The following ATP8B2 variants were observed in gnomAD, a reference collection of about 807,000 sequenced individuals.
The protein encoded by ATP8B2 is phospholipid-transporting ATPase ID.
In ATP8B2, 70 loss-of-function variants were observed where a neutral mutation model predicts 133.4. The ratio of observed to expected loss-of-function variants is 0.52; its 90% CI spans 0.43 to 0.64. The LOEUF (loss-of-function observed/expected upper bound fraction) is 0.64, where lower values mean the gene tolerates loss of function less well. ATP8B2 is among the 30% of genes least tolerant of loss of function. The pLI is 0.00. For synonymous variants in ATP8B2, 517 were observed against 589.5 expected (o/e 0.88, Z 1.78); for missense variants, 1,101 against 1,535.7 (o/e 0.72, Z 4.73).
At position 154,346,893 on chromosome 1, in the gene ATP8B2, A is replaced by G. The variant is rs1370096376; in HGVS notation, c.3163+135A>G. The G allele has an allele frequency of 5.3e-6, 6 of 1,129,128 alleles. No homozygotes were observed. The highest frequency in any genetic ancestry group is 1.6e-5 in the African/African-American group (1 of 62,466). The allele number at this position is 1,129,128 out of a possible 1,614,324, so 69.9% of individuals were successfully genotyped here. A position where few individuals can be genotyped will look rare whatever the true frequency, so the allele number is the denominator to read the frequency against. ...GTTTATTTTATTTATTTATTTATTTATTTTCGAGAAGGAGTCTTGCCCAGG... is the reference window on the plus strand; with the variant it reads ...GTTTATTTTATTTATTTATTTATTTGTTTTCGAGAAGGAGTCTTGCCCAGG... On this transcript the variant is annotated intron_variant, in intron 26 of 27. Transcript: ENST00000368489. The surrounding 1 kb of genome is among the most constrained non-coding windows in gnomAD (Gnocchi z 4.5).
intron 1 of ATP8B2, among the ~76,000 whole-genome samples, chr1:154,326,796 G>T (rs1426640809): frequency 6.6e-6 from 1 of 152,226 alleles, no homozygotes; most frequent in African/African-American, 2.4e-5. Context: ...CAAGGGCGGG[G>T]CTGCCTGTAG....
At position 154,335,300 on chromosome 1, in the gene ATP8B2, C is replaced by CGG. The variant is rs1227449853; in HGVS notation, c.837+710_837+711dup. Reference sequence around the variant, plus strand: ...CTATTTTGTTTCAAAGCCTAAACAGCGGAGGCAGCTTTGGAAATAGATGTA... The same window carrying CGG: ...CTATTTTGTTTCAAAGCCTAAACAGCGGGGAGGCAGCTTTGGAAATAGATGTA... On this transcript the variant is annotated intron_variant, in intron 11 of 27. Coordinates refer to ENST00000368489, the MANE Select transcript of ATP8B2 (RefSeq NM_001370597.1). Among the ~76,000 whole-genome samples the CGG allele has an allele frequency of 7.2e-5, 11 of 152,322 alleles. No individual in the cohort carries two copies. In the East Asian group the frequency reaches 2.1e-3, roughly 29 times the overall value.
At position 154,345,076 on chromosome 1, in the gene ATP8B2, G is replaced by A; in HGVS notation, c.2392G>A (p.Val798Ile). 6.2e-7 allele frequency: 1 copy of A among 1,614,210 alleles called. No homozygotes were observed. The highest frequency in any genetic ancestry group is 1.1e-5 in the South Asian group (1 of 91,088). Residue 798 changes from valine to isoleucine, a missense_variant, in exon 22 of 28, where the codon GTA (valine) becomes ATA (isoleucine). Transcript: ENST00000368489. This position sits in a 1 kb window ranked among gnomAD's most constrained non-coding sequence, Gnocchi z 5.6. Reference sequence around the variant, plus strand: ...GACCCCCTTGCAGAAGGCACAGGTGGTAGAACTGGTCAAGAAGTACAAGAA... The same window carrying A: ...GACCCCCTTGCAGAAGGCACAGGTGATAGAACTGGTCAAGAAGTACAAGAA... ...RVTPLQKAQVVELVKKYKKAV... is the reference protein window; with the variant it reads ...RVTPLQKAQVIELVKKYKKAV...
rs1394358657 is a variant in ATP8B2, at chr1:154,345,596, A to G, written c.2694+51A>G. On this transcript the variant is annotated intron_variant, in intron 23 of 27. Coordinates refer to ENST00000368489, the MANE Select transcript of ATP8B2 (RefSeq NM_001370597.1). The surrounding 1 kb of genome is among the most constrained non-coding windows in gnomAD (Gnocchi z 5.6). ...TGTGCAAATCTGTAAACCTGAGGGC[A>G]GAGGTTCTGTCTTGTTTATCACTCA... is the stretch of plus-strand genomic sequence containing the variant. The G allele has an allele frequency of 6.6e-7, 1 of 1,513,972 alleles. No individual in the cohort carries two copies. Among genetic ancestry groups the G allele is most frequent in the African/African-American group, 1.4e-5 (1 of 72,158 alleles). The allele number at this position is 1,513,972 out of a possible 1,614,324, so 93.8% of individuals were successfully genotyped here.
intron 9 of ATP8B2, 129 bp downstream of exon 9, chr1:154,332,826 AG>A: frequency 1.4e-6 from 1 of 699,484 alleles, no homozygotes; most frequent in East Asian, 2.8e-5. Context: ...TGTTTTGGGG[AG>A]GGGAGTGTTT....
chr1:154,331,217 G>A lies in ATP8B2; in HGVS notation c.303+71G>A. On this transcript the variant is annotated intron_variant, in intron 5 of 27. Transcript: ENST00000368489. This position sits in a 1 kb window ranked among gnomAD's most constrained non-coding sequence, Gnocchi z 4.8. ...ACTCCCAGCCCCACCCCCATCTCAT[G>A]GCCACCTTCATCCAGCACAATTTCT... The A allele has an allele frequency of 1.5e-6, 2 of 1,333,994 alleles. No individual in the cohort carries two copies. Among genetic ancestry groups the A allele is most frequent in the Non-Finnish European group, 2.1e-6 (2 of 948,392 alleles). 82.6% of individuals were successfully genotyped at this position (1,333,994 alleles called of 1,614,324 possible).
chr1:154,340,916 TGAA>T lies in ATP8B2; in HGVS notation c.1102_1104del (p.Lys368del). On this transcript the variant is annotated inframe_deletion, in exon 13 of 28. Transcript: ENST00000368489. This position sits in a 1 kb window ranked among gnomAD's most constrained non-coding sequence, Gnocchi z 4.0. ...AACTGGGATAAGAAGATGTTCTGCA[TGAA>T]GAAGCGGACGCCTGCAGAAGCCCGC... is the stretch of plus-strand genomic sequence containing the variant. The T allele has an allele frequency of 6.2e-7, 1 of 1,614,186 alleles. No individual in the cohort carries two copies.
In ATP8B2 at chr1:154,344,090, C is replaced by CG; in HGVS notation, c.1923+35dup. 1 of 1,614,120 alleles carries CG rather than the reference C, an allele frequency of 6.2e-7. No homozygotes were observed. The highest frequency in any genetic ancestry group is 8.5e-7 in the Non-Finnish European group (1 of 1,179,982). ...CTGCGGGACGGGCCAAGGATGGGCA[C>CG]GGAGGGCTCATGCCTGCAATTCTTG... On this transcript the variant is annotated intron_variant, in intron 18 of 27. Coordinates refer to ENST00000368489, the MANE Select transcript of ATP8B2 (RefSeq NM_001370597.1). The surrounding 1 kb of genome is among the most constrained non-coding windows in gnomAD (Gnocchi z 4.1).
rs751918565 is a variant in ATP8B2, at chr1:154,343,455, C to T, written c.1645C>T (p.Arg549Trp). 5.0e-6 allele frequency: 8 copies of T among 1,613,724 alleles called. No homozygotes were observed. Among genetic ancestry groups the T allele is most frequent in the East Asian group, 2.2e-5 (1 of 44,874 alleles). Residue 549 changes from arginine to tryptophan, a missense_variant and splice_region_variant, in exon 17 of 28, where the codon CGG (arginine) becomes TGG (tryptophan). Physicochemically the swap from Arg to Trp is moderately radical, Grantham distance 101. Coordinates refer to ENST00000368489, the MANE Select transcript of ATP8B2 (RefSeq NM_001370597.1). This position sits in a 1 kb window ranked among gnomAD's most constrained non-coding sequence, Gnocchi z 5.8. Reference protein sequence around the residue: ...NIRKRMSVIVRNPEGKIRLYC... With the variant: ...NIRKRMSVIVWNPEGKIRLYC... ...TTCTTCACCTGCCCCATTCATAGTG[C>T]GGAATCCAGAGGGGAAGATCCGACT...
chr1:154,345,639 T>A lies in ATP8B2; in HGVS notation c.2694+94T>A. The A allele has an allele frequency of 7.5e-7, 1 of 1,341,616 alleles. No individual in the cohort carries two copies. Among genetic ancestry groups the A allele is most frequent in the South Asian group, 1.3e-5 (1 of 78,076 alleles). 83.1% of individuals were successfully genotyped at this position (1,341,616 alleles called of 1,614,324 possible). ...ATCACTCAGTCCCCCAGGGCCTAGC[T>A]ATTTTCTGGTACATACTCTTAAAAA... On this transcript the variant is annotated intron_variant, in intron 23 of 27. Transcript: ENST00000368489. The surrounding 1 kb of genome is among the most constrained non-coding windows in gnomAD (Gnocchi z 5.6).
intron 3 of ATP8B2, 91 bp from the exon 4 acceptor site, chr1:154,330,724 C>T: frequency 8.9e-7 from 1 of 1,125,096 alleles, no homozygotes; most frequent in African/African-American, 1.5e-5. Context: ...GGGTAGAGGT[C>T]TGGGGAAGTA....
rs147062155 is a variant in ATP8B2 at position 154,346,236 on chromosome 1, C to T, written c.2784C>T (p.Val928=). The T allele has an allele frequency of 9.7e-5, 156 of 1,613,478 alleles. No homozygotes were observed. In the Middle Eastern group the frequency reaches 2.6e-3, roughly 27 times the overall value. The change falls in exon 25 of 28, where the codon GTC becomes GTT. Residue 928 remains valine (V), a synonymous_variant. Transcript: ENST00000368489. This position sits in a 1 kb window ranked among gnomAD's most constrained non-coding sequence, Gnocchi z 4.5. ...VLAMGVFDQD[V]PEQRSMEYPK... ...TACATGGTCCTCCCACACAGGATGT[C>T]CCCGAGCAGCGGAGCATGGAGTACC...
In ATP8B2 at chr1:154,343,829, C is replaced by T. The variant is rs1186600265; in HGVS notation, c.1759-64C>T. 15 of 1,522,456 alleles carry T rather than the reference C, an allele frequency of 9.9e-6. No individual in the cohort carries two copies. The highest frequency in any genetic ancestry group is 4.5e-5 in the East Asian group (2 of 44,246). 94.3% of individuals were successfully genotyped at this position (1,522,456 alleles called of 1,614,324 possible). On this transcript the variant is annotated intron_variant, in intron 17 of 27. Coordinates refer to ENST00000368489, the MANE Select transcript of ATP8B2 (RefSeq NM_001370597.1). This position sits in a 1 kb window ranked among gnomAD's most constrained non-coding sequence, Gnocchi z 5.8. Reference sequence around the variant, plus strand: ...TCTACAGTGCAGGATTATTCATTGTCGCCCTCACGCTGTCCATTAGCTCTC... The same window carrying T: ...TCTACAGTGCAGGATTATTCATTGTTGCCCTCACGCTGTCCATTAGCTCTC...
intron 11 of ATP8B2, 85 bp from the exon 12 acceptor site, chr1:154,337,263 T>A (rs1686219240): frequency 6.7e-7 from 1 of 1,487,696 alleles, no homozygotes; most frequent in Non-Finnish European, 9.1e-7. Context: ...TTTTGAGGGC[T>A]CAAGGGATGA....
At chr1:154,329,388 G>A (rs1284888229) in intron 2 of ATP8B2, among the ~76,000 whole-genome samples, 4 of 152,152 alleles carry the variant, frequency 2.6e-5, no homozygotes, top group African/African-American at 9.7e-5. Context: ...TGTAGAAAGG[G>A]TTCTGGAATG....
chr1:154,341,415 C>G lies in ATP8B2; in HGVS notation c.1243+353C>G, dbSNP rs138126389. 92 of 361,138 alleles carry G rather than the reference C, an allele frequency of 2.5e-4. No homozygotes were observed. In the East Asian group the frequency reaches 6.2e-3, roughly 24 times the overall value. The allele number at this position is 361,138 out of a possible 1,614,324, so 22.4% of individuals were successfully genotyped here. A position where few individuals can be genotyped will look rare whatever the true frequency, so the allele number is the denominator to read the frequency against. ...GGCTGAGATGGGAGGATCACTTGAG[C>G]CTGGGAGGTCAAGGCTGCAGTGAGC... On this transcript the variant is annotated intron_variant, in intron 13 of 27. Coordinates refer to ENST00000368489, the MANE Select transcript of ATP8B2 (RefSeq NM_001370597.1).
Position 154,343,279 on chromosome 1 carries a change from C to G in ATP8B2, c.1620C>G (p.Ile540Met), listed in dbSNP as rs765723967. 6.2e-7 allele frequency: 1 copy of G among 1,614,102 alleles called. No individual in the cohort carries two copies. Among genetic ancestry groups the G allele is most frequent in the South Asian group, 1.1e-5 (1 of 91,076 alleles). The change falls in exon 16 of 28, where the codon ATC becomes ATG. Residue 540 changes from isoleucine (I) to methionine (M), a missense_variant. Transcript: ENST00000368489. The surrounding 1 kb of genome is among the most constrained non-coding windows in gnomAD (Gnocchi z 5.8). ...TGGCCATCCTGGACTTCAACAACAT[C>G]CGCAAGCGGATGTCGGTCATAGGTG... ...QLLAILDFNNIRKRMSVIVRN... is the reference protein window; with the variant it reads ...QLLAILDFNNMRKRMSVIVRN...
chr1:154,345,687 A>G lies in ATP8B2; in HGVS notation c.2695-113A>G. The G allele has an allele frequency of 7.6e-7, 1 of 1,323,172 alleles. No individual in the cohort carries two copies. Among genetic ancestry groups the G allele is most frequent in the East Asian group, 2.3e-5 (1 of 43,366 alleles). 82.0% of individuals were successfully genotyped at this position (1,323,172 alleles called of 1,614,324 possible). ...AAAATGCTTATTAAAGGAGGAGAGAAGGAGCCTCAGAAAATTTCTTAGGGT... is the reference window on the plus strand; with the variant it reads ...AAAATGCTTATTAAAGGAGGAGAGAGGGAGCCTCAGAAAATTTCTTAGGGT... On this transcript the variant is annotated intron_variant, in intron 23 of 27. Coordinates refer to ENST00000368489, the MANE Select transcript of ATP8B2 (RefSeq NM_001370597.1). This position sits in a 1 kb window ranked among gnomAD's most constrained non-coding sequence, Gnocchi z 5.6.
rs1048664226 is a variant in ATP8B2, at chr1:154,334,774, A to C, written c.837+183A>C. 2.6e-5 allele frequency among the ~76,000 whole-genome samples: 4 copies of C among 152,156 alleles called. No individual in the cohort carries two copies. The highest frequency in any genetic ancestry group is 5.9e-5 in the Non-Finnish European group (4 of 68,032). On this transcript the variant is annotated intron_variant, in intron 11 of 27. Coordinates refer to ENST00000368489, the MANE Select transcript of ATP8B2 (RefSeq NM_001370597.1). The surrounding 1 kb of genome is among the most constrained non-coding windows in gnomAD (Gnocchi z 4.6). Reference sequence around the variant, plus strand: ...TTTAGTTGGAAGATGTTATTTAAAAAAACTTCAGGAACGTGCATGAATCAA... The same window carrying C: ...TTTAGTTGGAAGATGTTATTTAAAACAACTTCAGGAACGTGCATGAATCAA...
Sources: gnomAD v4.1 joint callset for allele counts (sites outside exome capture counted in the v4.1 genomes callset) on GRCh38, gnomAD v4.1.1 for gene constraint, Gnocchi (gnomAD v3.1) non-coding constraint, MANE v1.5 for transcripts, NCBI Gene and HGNC (gene_info 2026-07-23, HGNC 2026-07-21) for gene names.